The following DCC variants were observed in gnomAD, a reference collection of about 807,000 sequenced individuals.
DCC encodes netrin receptor DCC.
In DCC, 58 loss-of-function variants were observed where a neutral mutation model predicts 172.5. The observed-to-expected ratio is 0.34, with a 90% CI of 0.27 to 0.42. The LOEUF is 0.42. Ranked by LOEUF, DCC falls within the 10% of genes least tolerant of loss-of-function variation. DCC has a pLI of 1.00. For missense variants in DCC, 1,740 were observed against 1,791.0 expected, an observed-to-expected ratio of 0.97 and a Z score of 0.51; for synonymous variants, 709 against 644.5, an observed-to-expected ratio of 1.10 and a Z score of -1.52.
intron 25 of DCC, among the ~76,000 whole-genome samples, chr18:53,478,751 G>C (rs2045797780): frequency 6.6e-6 from 1 of 152,150 alleles, no homozygotes; most frequent in African/African-American, 2.4e-5. Flanking sequence ...TTAGTCACTT[G>C]GCTGTAGAAC....
At chr18:52,829,611 C>CTTCTGAAGTCCAATTCAT (rs1568130319) in intron 2 of DCC, among the ~76,000 whole-genome samples, 4 of 152,134 alleles carry the variant, frequency 2.6e-5, no homozygotes, top group African/African-American at 9.7e-5. Flanking sequence ...ACTACTCAGA[C>CTTCTGAAGTCCAATTCAT]CTCAAGAAGT....
intron 8 of DCC, among the ~76,000 whole-genome samples, chr18:53,158,011 A>G (rs2054772135): frequency 6.6e-6 from 1 of 152,218 alleles, no homozygotes; most frequent in South Asian, 2.1e-4. Flanking sequence ...CAAATGCTTG[A>G]GGTGATGGAT....
intron 2 of DCC, among the ~76,000 whole-genome samples, chr18:52,840,442 G>A (rs539967831): frequency 6.6e-6 from 1 of 152,196 alleles, no homozygotes; most frequent in South Asian, 2.1e-4. Context: ...ATATGATCTG[G>A]TGCCTGCATT....
intron 5 of DCC, among the ~76,000 whole-genome samples, chr18:53,036,732 C>T (rs1047776546): frequency 3.3e-4 from 50 of 151,942 alleles, no homozygotes; most frequent in African/African-American, 6.0e-4. Context: ...TTTAATTGTG[C>T]GTGGAGAAGG....
chr18:52,877,081 A>T (rs1485995046), intron 2 of DCC, among the ~76,000 whole-genome samples: 1 of 152,210 alleles, frequency 6.6e-6, no homozygotes, highest in Admixed American at 6.5e-5. Flanking sequence ...TAACTGGATG[A>T]CCTGTATTTT....
chr18:53,319,406 G>A (rs1021500389), intron 13 of DCC, among the ~76,000 whole-genome samples: 5 of 151,812 alleles, frequency 3.3e-5, no homozygotes, highest in African/African-American at 1.2e-4. Context: ...CAAAATAAAG[G>A]GCTGGAGGAA....
intron 2 of DCC, among the ~76,000 whole-genome samples, chr18:52,841,327 T>C (rs2038802469): frequency 6.6e-6 from 1 of 151,604 alleles, no homozygotes; most frequent in Non-Finnish European, 1.5e-5. Flanking sequence ...GTAGAGTGCA[T>C]TGTAGGAGAG....
rs1266156744 is a variant in DCC at position 52,855,584 on chromosome 18, C to T, written c.413-50460C>T. ...TGATACCAGAGAGAAAGGCAAAATG[C>T]TCATGATCCACTCTAGCTTCAGTTT... is the stretch of plus-strand genomic sequence containing the variant. On this transcript the variant is annotated intron_variant, in intron 2 of 28. Transcript: ENST00000442544. Among the ~76,000 whole-genome samples, 3 of 152,112 alleles carry T rather than the reference C, an allele frequency of 2.0e-5. No individual in the cohort carries two copies. In the South Asian group the frequency reaches 6.2e-4, roughly 31 times the overall value.
At chr18:53,054,801 G>A (rs552848760) in intron 5 of DCC, among the ~76,000 whole-genome samples, 13 of 152,178 alleles carry the variant, frequency 8.5e-5, no homozygotes, top group African/African-American at 2.9e-4. Context: ...AGATAGAAGT[G>A]TTTCTCAGCA....
intron 1 of DCC, among the ~76,000 whole-genome samples, chr18:52,625,223 T>C (rs1281240951): frequency 1.3e-5 from 2 of 152,186 alleles, no homozygotes; most frequent in Non-Finnish European, 2.9e-5. Context: ...TTATGTAGCA[T>C]ATAACTACAT....
intron 2 of DCC, among the ~76,000 whole-genome samples, chr18:52,868,324 C>T (rs1300743480): frequency 3.9e-5 from 6 of 152,010 alleles, no homozygotes; most frequent in Non-Finnish European, 5.9e-5. Flanking sequence ...AGAGGGAATC[C>T]TAATGATTTT....
intron 7 of DCC, among the ~76,000 whole-genome samples, chr18:53,141,240 A>G (rs1436255590): frequency 6.6e-6 from 1 of 152,200 alleles, no homozygotes; most frequent in African/African-American, 2.4e-5. Context: ...GGGCTAAAAA[A>G]TAGTGAAATG....
intron 1 of DCC, among the ~76,000 whole-genome samples, chr18:52,536,895 G>A (rs912054750): frequency 6.6e-6 from 1 of 152,044 alleles, no homozygotes; most frequent in African/African-American, 2.4e-5. Context: ...TCTGTATTGT[G>A]GCCAATTATA....
chr18:53,265,641 A>G (rs895625198), intron 12 of DCC, among the ~76,000 whole-genome samples: 1 of 152,224 alleles, frequency 6.6e-6, no homozygotes, highest in Admixed American at 6.5e-5. Context: ...AAAGATGCTT[A>G]CATGGCATAT....
Position 53,157,378 on chromosome 18 carries a change from C to T in DCC, c.1284C>T (p.Leu428=), listed in dbSNP as rs1412496407. ...TAGCTATCCCAAGCTCCAGTGTCCTCCCTTCGGCTCCCAGAGATGTGGTCC... is the reference window on the plus strand; with the variant it reads ...TAGCTATCCCAAGCTCCAGTGTCCTTCCTTCGGCTCCCAGAGATGTGGTCC... ...PKPAIPSSSV[L]PSAPRDVVPV... Residue 428 remains leucine (L), a synonymous_variant, in exon 8 of 29, where the codon CTC becomes CTT. Transcript: ENST00000442544. 1 of 1,614,112 alleles carries T rather than the reference C, an allele frequency of 6.2e-7. No homozygotes were observed.
intron 5 of DCC, among the ~76,000 whole-genome samples, chr18:53,039,784 T>A (rs1485432201): frequency 6.6e-6 from 1 of 152,010 alleles, no homozygotes; most frequent in Non-Finnish European, 1.5e-5. Context: ...TCAAGTTCTA[T>A]GGATCCTTTT....
At position 52,738,504 on chromosome 18, in the gene DCC, C is replaced by T. The variant is rs553376956; in HGVS notation, c.92-13550C>T. On this transcript the variant is annotated intron_variant, in intron 1 of 28. Transcript: ENST00000442544. Reference sequence around the variant, plus strand: ...TGTACAAGAGATTAAAAATGATGGACTTATATAAGGCACTTACCATGAATG... The same window carrying T: ...TGTACAAGAGATTAAAAATGATGGATTTATATAAGGCACTTACCATGAATG... Among the ~76,000 whole-genome samples the T allele has an allele frequency of 7.9e-5, 12 of 152,118 alleles. No individual in the cohort carries two copies. The South Asian group carries it at 2.5e-3, about 32-fold the overall frequency.
In DCC at chr18:52,773,748, C is replaced by G. The variant is rs151174957; in HGVS notation, c.412+21374C>G. On this transcript the variant is annotated intron_variant, in intron 2 of 28. Transcript: ENST00000442544. ...TTCGCCATGATGGCCAGGCTGGTCT[C>G]AAACCCCTGACCTCAGGTGATCTGC... Among the ~76,000 whole-genome samples the G allele has an allele frequency of 7.4e-3, 1,120 of 152,284 alleles. 14 individuals are homozygous for G. Among genetic ancestry groups the G allele is most frequent in the African/African-American group, 0.026 (1,060 of 41,528 alleles).
intron 19 of DCC, among the ~76,000 whole-genome samples, chr18:53,410,190 T>C (rs1909897572): frequency 6.6e-6 from 1 of 152,196 alleles, no homozygotes; most frequent in African/African-American, 2.4e-5. Flanking sequence ...GATTTATAGG[T>C]AGCAGAAAGC....
Sources: gnomAD v4.1 joint callset for allele counts (sites outside exome capture counted in the v4.1 genomes callset) on GRCh38, gnomAD v4.1.1 for gene constraint, MANE v1.5 for transcripts, NCBI Gene and HGNC (gene_info 2026-07-23, HGNC 2026-07-21) for gene names.